Variants in DNAH14 observed in about 807,000 individuals in gnomAD.
DNAH14 encodes the protein axonemal beta dynein heavy chain 14.
DNAH14 carries 478 observed loss-of-function variants against 520.9 expected under a neutral mutation model. The observed-to-expected ratio is 0.92, with a 90% CI of 0.85 to 0.99. The LOEUF (loss-of-function observed/expected upper bound fraction) is 0.99. Among genes scored for constraint, DNAH14 ranks in the 50% least tolerant of loss-of-function variants. The pLI is 0.00. For synonymous variants in DNAH14, 1,581 were observed against 1,757.2 expected, an observed-to-expected ratio of 0.90 and a Z score of 2.51; for missense variants, 4,831 against 5,234.5, an observed-to-expected ratio of 0.92 and a Z score of 2.38.
chr1:225,266,861 AAGTT>A, intron 49 of DNAH14, 92 bp downstream of exon 49: 1 of 1,269,664 alleles, frequency 7.9e-7, no homozygotes, highest in Non-Finnish European at 1.0e-6. Flanking sequence ...TTGCTTGAGA[AAGTT>A]AGAAATTCTG....
chr1:225,126,130 C>A (rs1315982093), intron 27 of DNAH14, among the ~76,000 whole-genome samples: 1 of 152,144 alleles, frequency 6.6e-6, no homozygotes, highest in African/African-American at 2.4e-5. Context: ...AATTGCAGAT[C>A]ACCATAACAG....
intron 26 of DNAH14, 91 bp downstream of exon 26, chr1:225,119,385 T>A: frequency 1.2e-6 from 1 of 825,456 alleles, no homozygotes. Context: ...AACTCACTTA[T>A]CTACTAATCT....
intron 17 of DNAH14, among the ~76,000 whole-genome samples, chr1:225,075,049 C>A: frequency 6.6e-6 from 1 of 152,178 alleles, no homozygotes; most frequent in East Asian, 1.9e-4. Context: ...ATCTAAAGCT[C>A]CTGGGTTTCT....
chr1:225,179,476 CAAACT>C (rs1357125302), intron 36 of DNAH14, among the ~76,000 whole-genome samples: 3 of 152,060 alleles, frequency 2.0e-5, no homozygotes, highest in African/African-American at 7.2e-5. Flanking sequence ...CGAAAAGAAA[CAAACT>C]AAACTAAAAA....
intron 8 of DNAH14, among the ~76,000 whole-genome samples, chr1:224,996,887 C>A (rs912222680): frequency 3.0e-4 from 46 of 152,188 alleles, no homozygotes; most frequent in African/African-American, 1.1e-3. Flanking sequence ...TGCTGTTTAA[C>A]CTGCTGGGTG....
Position 225,277,407 on chromosome 1 carries a change from T to G in DNAH14, c.8179-3T>G, listed in dbSNP as rs1200379501. 1 of 468,448 alleles carries G rather than the reference T, an allele frequency of 2.1e-6. No individual in the cohort carries two copies. The allele number at this position is 468,448 out of a possible 1,614,324, so 29.0% of individuals were successfully genotyped here. On this transcript the variant is annotated splice_polypyrimidine_tract_variant and splice_region_variant and intron_variant, in intron 53 of 85. Coordinates refer to ENST00000682510, the MANE Select transcript of DNAH14 (RefSeq NM_001367479.1). ...CATTTATTTGTCACATTTGATCTGC[T>G]AGCTTTCTCATTCCATGGTGTTCTT...
chr1:225,187,372 C>T (rs530966675), intron 37 of DNAH14, among the ~76,000 whole-genome samples: 6 of 151,858 alleles, frequency 4.0e-5, no homozygotes, highest in African/African-American at 4.8e-5. Context: ...TCTATAGATT[C>T]GCCTCTTTTG....
Position 225,153,847 on chromosome 1 carries a change from T to TTGAA in DNAH14, c.5273+22_5273+23insGAAT, listed in dbSNP as rs1573544199. On this transcript the variant is annotated intron_variant, in intron 34 of 85. Coordinates refer to ENST00000682510, the MANE Select transcript of DNAH14 (RefSeq NM_001367479.1). ...AAATGGTCAGTTGAATTTTGAATTG[T>TTGAA]TAGGTCAAAGGGAGTTATATACTGC... 3 of 1,534,754 alleles carry TTGAA rather than the reference T, an allele frequency of 2.0e-6. No individual in the cohort carries two copies. The East Asian group carries it at 7.4e-5, about 38-fold the overall frequency.
Position 225,100,616 on chromosome 1 carries a change from A to G in DNAH14, c.3696-97A>G, listed in dbSNP as rs1319587950. The stretch of plus-strand genomic sequence containing the variant: ...AAGAAAATTTAACATCAAATGTTTT[A>G]TAACTCAAACAGTATTCCGTGGCAA... On this transcript the variant is annotated intron_variant, in intron 22 of 85. Transcript: ENST00000682510. 9 of 982,086 alleles carry G rather than the reference A, an allele frequency of 9.2e-6. No homozygotes were observed. The Admixed American group carries it at 3.3e-4, about 36-fold the overall frequency. The allele number at this position is 982,086 out of a possible 1,614,324, so 60.8% of individuals were successfully genotyped here. A position where few individuals can be genotyped will look rare whatever the true frequency, so the allele number is the denominator to read the frequency against.
intron 3 of DNAH14, among the ~76,000 whole-genome samples, chr1:224,956,512 C>G (rs1461561797): frequency 6.6e-6 from 1 of 152,016 alleles, no homozygotes; most frequent in African/African-American, 2.4e-5. Context: ...TAGTCTATTC[C>G]ATATAGCCTT....
At chr1:225,103,714 C>T (rs189840581) in intron 23 of DNAH14, among the ~76,000 whole-genome samples, 11 of 151,956 alleles carry the variant, frequency 7.2e-5, no homozygotes, top group African/African-American at 2.2e-4. Context: ...TGTATAAGAA[C>T]GCTTGTGATT....
Position 225,058,719 on chromosome 1 carries a change from T to C in DNAH14, c.2424+6924T>C, listed in dbSNP as rs138809181. On this transcript the variant is annotated intron_variant, in intron 17 of 85. Coordinates refer to ENST00000682510, the MANE Select transcript of DNAH14 (RefSeq NM_001367479.1). ...TGCTTTGAATGTTTCGCAGAGATTCTGGTATGTTATGTCTTTGTTCTCGTT... is the reference window on the plus strand; with the variant it reads ...TGCTTTGAATGTTTCGCAGAGATTCCGGTATGTTATGTCTTTGTTCTCGTT... Among the ~76,000 whole-genome samples, 190 of 152,356 alleles carry C rather than the reference T, an allele frequency of 1.2e-3. 1 individual carries two copies. The highest frequency in any genetic ancestry group is 0.01 in the Middle Eastern group (3 of 294).
At chr1:225,100,664 T>C in intron 22 of DNAH14, 49 bp from the exon 23 acceptor site, 1 of 1,374,646 alleles carries the variant, frequency 7.3e-7, no homozygotes, top group Non-Finnish European at 9.6e-7. Context: ...TAGATTTTAA[T>C]CATAGTGCCT....
chr1:225,078,859 C>T (rs10915773), intron 17 of DNAH14, among the ~76,000 whole-genome samples: 1,985 of 18,582 alleles, frequency 0.11, 138 homozygotes, highest in Non-Finnish European at 0.13. Context: ...TCTCTCTCTC[C>T]CTCTCTCTCT....
At chr1:225,007,966 G>A (rs1416888117) in intron 10 of DNAH14, among the ~76,000 whole-genome samples, 1 of 148,436 alleles carries the variant, frequency 6.7e-6, no homozygotes, top group African/African-American at 2.5e-5. Context: ...GGATACATGT[G>A]CAGAATGTAC....
intron 52 of DNAH14, among the ~76,000 whole-genome samples, chr1:225,275,321 TGTCAGTGCTATAAC>T (rs2093440326): frequency 1.3e-5 from 2 of 152,220 alleles, no homozygotes; most frequent in African/African-American, 4.8e-5. Context: ...AATGCATTTC[TGTCAGTGCTATAAC>T]GTCAGTGCTG....
chr1:225,330,302 G>A (rs1375008355), intron 64 of DNAH14, among the ~76,000 whole-genome samples: 2 of 152,016 alleles, frequency 1.3e-5, no homozygotes, highest in Non-Finnish European at 2.9e-5. Flanking sequence ...TCTACTGCTG[G>A]GTATATACCC....
In DNAH14 at chr1:225,272,153, G is replaced by A. The variant is rs1364575787; in HGVS notation, c.7839+80G>A. ...TCATACTGTCAACATTAGATTGTTA[G>A]AAGGGGAAAAAAGGGAAATGAATGT... On this transcript the variant is annotated intron_variant, in intron 51 of 85. Transcript: ENST00000682510. 1.9e-5 allele frequency: 25 copies of A among 1,340,140 alleles called. 1 individual carries two copies. In the South Asian group the frequency reaches 3.3e-4, roughly 18 times the overall value. 83.0% of individuals were successfully genotyped at this position (1,340,140 alleles called of 1,614,324 possible).
intron 11 of DNAH14, among the ~76,000 whole-genome samples, chr1:225,033,199 TTA>T (rs2066673414): frequency 6.6e-6 from 1 of 152,156 alleles, no homozygotes. Flanking sequence ...TCCAGGGTTT[TTA>T]TAGTTTTGGG....
Sources: gnomAD v4.1 joint callset for allele counts (sites outside exome capture counted in the v4.1 genomes callset) on GRCh38, gnomAD v4.1.1 for gene constraint, MANE v1.5 for transcripts, NCBI Gene and HGNC (gene_info 2026-07-23, HGNC 2026-07-21) for gene names.